The following MEI4 variants were observed in gnomAD, a reference collection of about 807,000 sequenced individuals.
MEI4 encodes the protein meiotic double-stranded break formation protein 4, also known as meiosis-specific protein MEI4.
MEI4 carries 27 observed loss-of-function variants against 31.4 expected under a neutral mutation model. That is an observed-to-expected ratio of 0.86 (90% CI 0.63 to 1.19). The LOEUF is 1.19. Ranked by LOEUF, MEI4 falls within the 50% of genes most tolerant of loss-of-function variation. The probability of loss-of-function intolerance (pLI) is 0.00; values close to 1 mark genes in which losing one functional copy is unlikely to be tolerated. For missense variants in MEI4, 329 were observed against 398.9 expected, an observed-to-expected ratio of 0.82 and a Z score of 1.49; for synonymous variants, 122 against 145.4, an observed-to-expected ratio of 0.84 and a Z score of 1.16.
intron 4 of MEI4, among the ~76,000 whole-genome samples, chr6:77,867,545 A>G (rs1003300383): frequency 1.3e-5 from 2 of 152,242 alleles, no homozygotes; most frequent in Non-Finnish European, 2.9e-5. Context: ...TAGAATGGCA[A>G]TCATTAAGAA....
intron 4 of MEI4, among the ~76,000 whole-genome samples, chr6:77,917,051 G>T (rs1366551913): frequency 6.6e-6 from 1 of 151,218 alleles, no homozygotes; most frequent in African/African-American, 2.4e-5. Flanking sequence ...ATAGTTTACT[G>T]AGAATGATGA....
chr6:77,823,309 A>T (rs1202871416), intron 3 of MEI4, among the ~76,000 whole-genome samples: 2 of 151,940 alleles, frequency 1.3e-5, no homozygotes, highest in Non-Finnish European at 2.9e-5. Flanking sequence ...ATTTACCTTC[A>T]CTCTAAGTAC....
intron 4 of MEI4, among the ~76,000 whole-genome samples, chr6:77,911,681 A>C (rs933546430): frequency 2.0e-5 from 3 of 149,546 alleles, no homozygotes; most frequent in Non-Finnish European, 4.4e-5. Flanking sequence ...ATTCCATGAT[A>C]TATATAATGC....
intron 4 of MEI4, among the ~76,000 whole-genome samples, chr6:77,897,251 A>G (rs1294370107): frequency 2.0e-5 from 3 of 152,044 alleles, no homozygotes; most frequent in Non-Finnish European, 4.4e-5. Context: ...TTTCTCAAAG[A>G]TCTCAACCAA....
At chr6:77,733,662 TCTG>T (rs1767084964) in intron 2 of MEI4, among the ~76,000 whole-genome samples, 1 of 151,958 alleles carries the variant, frequency 6.6e-6, no homozygotes, top group Admixed American at 6.5e-5. Context: ...TTTCTTGCCT[TCTG>T]CTAGCTTTTG....
In MEI4 at chr6:77,835,434, C is replaced by A. The variant is rs1184913894; in HGVS notation, c.900+6372C>A. 2.7e-5 allele frequency among the ~76,000 whole-genome samples: 4 copies of A among 147,518 alleles called. No homozygotes were observed. In the East Asian group the frequency reaches 6.0e-4, roughly 22 times the overall value. On this transcript the variant is annotated intron_variant, in intron 4 of 4. Transcript: ENST00000684080. ...AAAAAAAAAAAAGAAGAGAAAAAAG[C>A]TCCCAAAAACAGAAAAAAAGGAAAA...
intron 4 of MEI4, among the ~76,000 whole-genome samples, chr6:77,916,194 G>A (rs13215708): frequency 0.29 from 44,590 of 151,608 alleles, 7,120 homozygotes; most frequent in South Asian, 0.38. Context: ...GTCTATCTGT[G>A]TTCTATCTCA....
intron 4 of MEI4, among the ~76,000 whole-genome samples, chr6:77,831,323 A>G (rs1770073563): frequency 6.6e-6 from 1 of 151,854 alleles, no homozygotes; most frequent in African/African-American, 2.4e-5. Flanking sequence ...TAGTATAACC[A>G]TTATGGAAAA....
rs139317804 is a variant in MEI4 at position 77,815,626 on chromosome 6, C to T, written c.769-13305C>T. Among the ~76,000 whole-genome samples the T allele has an allele frequency of 2.2e-3, 336 of 152,150 alleles. 3 individuals carry two copies. The highest frequency in any genetic ancestry group is 4.0e-3 in the Non-Finnish European group (274 of 67,990). ...ACTTGTTCATTTGCCACAGACATAT[C>T]TGACCTTGCTAAGTATGAGAACTTA... On this transcript the variant is annotated intron_variant, in intron 3 of 4. Transcript: ENST00000684080.
chr6:77,691,538 A>G (rs902549371), intron 2 of MEI4, among the ~76,000 whole-genome samples: 2 of 152,058 alleles, frequency 1.3e-5, no homozygotes, highest in African/African-American at 4.8e-5. Context: ...TGGAGAATAC[A>G]TATTGCATTC....
At chr6:77,738,237 C>T (rs1157431200) in intron 2 of MEI4, among the ~76,000 whole-genome samples, 2 of 152,260 alleles carry the variant, frequency 1.3e-5, no homozygotes, top group African/African-American at 4.8e-5. Flanking sequence ...AGCTGACCCA[C>T]AAATCTTTTG....
At chr6:77,696,723 T>C (rs1435164442) in intron 2 of MEI4, among the ~76,000 whole-genome samples, 1 of 151,752 alleles carries the variant, frequency 6.6e-6, no homozygotes, top group Admixed American at 6.6e-5. Flanking sequence ...GGTCTAAAAT[T>C]CTCTTTTTTG....
chr6:77,699,683 CTG>C lies in MEI4; in HGVS notation c.232+8784_232+8785del, dbSNP rs546459400. ...CTTTTTGGAGTTTCCAGGTTTTCTGCTGTGTTTTTTCCCCATCTTTGTGGTTT... is the reference window on the plus strand; with the variant it reads ...CTTTTTGGAGTTTCCAGGTTTTCTGCTGTTTTTTCCCCATCTTTGTGGTTT... On this transcript the variant is annotated intron_variant, in intron 2 of 4. Coordinates refer to ENST00000684080, the MANE Select transcript of MEI4 (RefSeq NM_001322247.2). Among the ~76,000 whole-genome samples, 1,059 of 152,252 alleles carry C rather than the reference CTG, an allele frequency of 7.0e-3. 12 individuals carry two copies. Among genetic ancestry groups the C allele is most frequent in the African/African-American group, 0.024 (999 of 41,544 alleles).
At chr6:77,895,019 A>G (rs1436779458) in intron 4 of MEI4, among the ~76,000 whole-genome samples, 1 of 152,202 alleles carries the variant, frequency 6.6e-6, no homozygotes, top group Non-Finnish European at 1.5e-5. Context: ...TTTTCAATAT[A>G]TACCATATGT....
rs1453752286 is a variant in MEI4, at chr6:77,820,419, GC to G, written c.769-8506del. Reference sequence around the variant, plus strand: ...TGGGACTACAGGCACACGCCACCATGCCCCCCTGGCTAATTTTGTGTATTTT... The same window carrying G: ...TGGGACTACAGGCACACGCCACCATGCCCCCTGGCTAATTTTGTGTATTTT... On this transcript the variant is annotated intron_variant, in intron 3 of 4. Coordinates refer to ENST00000684080, the MANE Select transcript of MEI4 (RefSeq NM_001322247.2). This position sits in a 1 kb window ranked among gnomAD's most constrained non-coding sequence, Gnocchi z 4.5. Among the ~76,000 whole-genome samples the G allele has an allele frequency of 6.6e-6, 1 of 150,422 alleles. No individual in the cohort carries two copies. Among genetic ancestry groups the G allele is most frequent in the Non-Finnish European group, 1.5e-5 (1 of 66,920 alleles).
At chr6:77,740,578 C>T (rs1767373891) in intron 2 of MEI4, among the ~76,000 whole-genome samples, 1 of 152,030 alleles carries the variant, frequency 6.6e-6, no homozygotes, top group Non-Finnish European at 1.5e-5. Flanking sequence ...AATAGCATTT[C>T]CTGTTTGACC....
chr6:77,887,823 G>A (rs893243828), intron 4 of MEI4, among the ~76,000 whole-genome samples: 1 of 152,032 alleles, frequency 6.6e-6, no homozygotes, highest in Non-Finnish European at 1.5e-5. Context: ...GTTTTTCTTA[G>A]TTGATTGTCT....
intron 3 of MEI4, among the ~76,000 whole-genome samples, chr6:77,804,263 A>G (rs1396544914): frequency 6.6e-6 from 1 of 152,066 alleles, no homozygotes; most frequent in Non-Finnish European, 1.5e-5. Context: ...CATGTACGGG[A>G]TATAATCTCC....
chr6:77,744,599 G>T (rs573213732), intron 2 of MEI4, among the ~76,000 whole-genome samples: 1 of 152,066 alleles, frequency 6.6e-6, no homozygotes, highest in Non-Finnish European at 1.5e-5. Flanking sequence ...CCAACATTCA[G>T]ATTCAGGAAA....
Sources: gnomAD v4.1 joint callset for allele counts (sites outside exome capture counted in the v4.1 genomes callset) on GRCh38, gnomAD v4.1.1 for gene constraint, Gnocchi (gnomAD v3.1) non-coding constraint, MANE v1.5 for transcripts, NCBI Gene and HGNC (gene_info 2026-07-23, HGNC 2026-07-21) for gene names.